ASAP2: variants seen among roughly 807,000 people sequenced by gnomAD.
The protein encoded by ASAP2 is arf-GAP with SH3 domain, ANK repeat and PH domain-containing protein 2.
In ASAP2, 45 loss-of-function variants were observed where a neutral mutation model predicts 131.4. That is an observed-to-expected ratio of 0.34 (90% CI 0.27 to 0.44). The LOEUF is 0.44. ASAP2 is among the 20% of genes least tolerant of loss of function. The probability of loss-of-function intolerance (pLI) is 1.00; values close to 1 mark genes in which losing one functional copy is unlikely to be tolerated. For missense variants in ASAP2, 1,011 were observed against 1,297.0 expected (o/e 0.78, Z 3.39); for synonymous variants, 510 against 503.0 (o/e 1.01, Z -0.19).
chr2:9,282,007 C>T (rs1667158362), intron 2 of ASAP2, among the ~76,000 whole-genome samples: 1 of 152,194 alleles, frequency 6.6e-6, no homozygotes, highest in African/African-American at 2.4e-5. Context: ...CTTCCCTCTG[C>T]TCATGCTCTG....
chr2:9,316,713 G>T (rs953156581), intron 3 of ASAP2, among the ~76,000 whole-genome samples: 3 of 152,140 alleles, frequency 2.0e-5, no homozygotes, highest in African/African-American at 7.2e-5. Context: ...GAGTTGACTC[G>T]CATTTGAACT....
At chr2:9,222,852 G>T (rs1662524125) in intron 1 of ASAP2, among the ~76,000 whole-genome samples, 1 of 152,076 alleles carries the variant, frequency 6.6e-6, no homozygotes, top group Non-Finnish European at 1.5e-5. Context: ...TTTTCCTTGG[G>T]GACTGGGATG....
chr2:9,283,809 C>T lies in ASAP2; in HGVS notation c.199+4420C>T, dbSNP rs148909820. On this transcript the variant is annotated intron_variant, in intron 2 of 27. Transcript: ENST00000281419. ...TTCTCCCTGTACCCTCACATGGCAG[C>T]GAGAGAAAGCAAGATGTCCACTTTC... Among the ~76,000 whole-genome samples, 11 of 152,272 alleles carry T rather than the reference C, an allele frequency of 7.2e-5. 1 individual carries two copies. The highest frequency in any genetic ancestry group is 2.0e-4 in the Admixed American group (3 of 15,296).
chr2:9,376,831 A>G, intron 17 of ASAP2, 77 bp from the exon 18 acceptor site: 1 of 1,297,778 alleles, frequency 7.7e-7, no homozygotes, highest in Non-Finnish European at 1.1e-6. Flanking sequence ...GAAGAGTTGT[A>G]CACGATTTCA....
chr2:9,398,637 GTC>G (rs1676377268), intron 24 of ASAP2, among the ~76,000 whole-genome samples: 1 of 151,922 alleles, frequency 6.6e-6, no homozygotes. Context: ...GTGAAACCCC[GTC>G]TCTACTGAAA....
At chr2:9,222,489 GCTTT>G (rs1306496806) in intron 1 of ASAP2, among the ~76,000 whole-genome samples, 2 of 152,184 alleles carry the variant, frequency 1.3e-5, no homozygotes, top group Non-Finnish European at 1.5e-5. Context: ...TGTTTTGGTT[GCTTT>G]CTATCAACAT....
chr2:9,396,690 C>A (rs749134823), intron 24 of ASAP2, among the ~76,000 whole-genome samples: 4 of 152,176 alleles, frequency 2.6e-5, no homozygotes, highest in Non-Finnish European at 5.9e-5. Context: ...TGCTACTTTG[C>A]AAGATAACTT....
chr2:9,357,247 G>T (rs1672773359), intron 14 of ASAP2, among the ~76,000 whole-genome samples: 1 of 151,694 alleles, frequency 6.6e-6, no homozygotes, highest in Non-Finnish European at 1.5e-5. Flanking sequence ...GGAAGACTGA[G>T]GCGGGCGGAT....
chr2:9,367,771 A>C (rs776778106), intron 15 of ASAP2, among the ~76,000 whole-genome samples: 42 of 152,220 alleles, frequency 2.8e-4, no homozygotes, highest in Admixed American at 2.0e-4. Context: ...CAAAAAAAAG[A>C]ATGTGTTAAT....
At chr2:9,347,078 C>T (rs1672015463) in intron 11 of ASAP2, among the ~76,000 whole-genome samples, 1 of 152,186 alleles carries the variant, frequency 6.6e-6, no homozygotes, top group Admixed American at 6.5e-5. Context: ...AGGTCTCCTC[C>T]TGCCTTTAGC....
At chr2:9,213,431 T>C (rs1249917532) in intron 1 of ASAP2, among the ~76,000 whole-genome samples, 1 of 152,072 alleles carries the variant, frequency 6.6e-6, no homozygotes, top group African/African-American at 2.4e-5. Flanking sequence ...TTTGTTCTAG[T>C]GTGATGGGAA....
chr2:9,295,209 G>A (rs1048978290), intron 2 of ASAP2, among the ~76,000 whole-genome samples: 1 of 152,218 alleles, frequency 6.6e-6, no homozygotes, highest in Non-Finnish European at 1.5e-5. Flanking sequence ...ACATCGTGTA[G>A]TAGAGTAGGA....
chr2:9,352,794 C>T (rs1672442296), intron 12 of ASAP2, among the ~76,000 whole-genome samples: 2 of 152,202 alleles, frequency 1.3e-5, no homozygotes, highest in African/African-American at 4.8e-5. Flanking sequence ...GAAACATCTT[C>T]AGGAAGGACT....
At chr2:9,274,618 C>T (rs1489735848) in intron 1 of ASAP2, among the ~76,000 whole-genome samples, 1 of 151,874 alleles carries the variant, frequency 6.6e-6, no homozygotes, top group Non-Finnish European at 1.5e-5. Context: ...CCACCGCGTC[C>T]AGCCTAACAC....
chr2:9,244,149 A>G (rs1009727749), intron 1 of ASAP2, among the ~76,000 whole-genome samples: 1 of 152,078 alleles, frequency 6.6e-6, no homozygotes, highest in Non-Finnish European at 1.5e-5. Context: ...AAAAAACCCC[A>G]CAAAAATTTG....
chr2:9,264,238 T>G (rs1423776967), intron 1 of ASAP2, among the ~76,000 whole-genome samples: 2 of 151,872 alleles, frequency 1.3e-5, no homozygotes, highest in Non-Finnish European at 2.9e-5. Context: ...CAAGTACTGC[T>G]GGAACTTCTT....
In ASAP2 at chr2:9,389,241, A is replaced by T. The variant is rs1361537846; in HGVS notation, c.2383+695A>T. 1.3e-5 allele frequency among the ~76,000 whole-genome samples: 2 copies of T among 152,118 alleles called. No individual in the cohort carries two copies. Among genetic ancestry groups the T allele is most frequent in the East Asian group, 3.9e-4 (2 of 5,186 alleles). ...TGAAGGCAGGTCCGGCGAGTGACCCACTCAGCTCTGGGCTGAGCTCCAGTC... is the reference window on the plus strand; with the variant it reads ...TGAAGGCAGGTCCGGCGAGTGACCCTCTCAGCTCTGGGCTGAGCTCCAGTC... On this transcript the variant is annotated intron_variant, in intron 22 of 27. Coordinates refer to ENST00000281419, the MANE Select transcript of ASAP2 (RefSeq NM_003887.3). The surrounding 1 kb of genome is among the most constrained non-coding windows in gnomAD (Gnocchi z 4.7).
At position 9,380,852 on chromosome 2, in the gene ASAP2, G is replaced by A. The variant is rs533265925; in HGVS notation, c.2016+44G>A. The A allele has an allele frequency of 1.8e-5, 29 of 1,593,338 alleles. No individual in the cohort carries two copies. The South Asian group carries it at 2.8e-4, about 15-fold the overall frequency. On this transcript the variant is annotated intron_variant, in intron 20 of 27. Coordinates refer to ENST00000281419, the MANE Select transcript of ASAP2 (RefSeq NM_003887.3). ...GGACGGGGTGGGGCACCTGTCACGGGACAGGGAGCCAAGCCTGTCCTCCTT... is the reference window on the plus strand; with the variant it reads ...GGACGGGGTGGGGCACCTGTCACGGAACAGGGAGCCAAGCCTGTCCTCCTT...
chr2:9,212,775 A>C (rs1434133157), intron 1 of ASAP2, among the ~76,000 whole-genome samples: 2 of 151,976 alleles, frequency 1.3e-5, no homozygotes, highest in African/African-American at 4.8e-5. Flanking sequence ...TTGGCTCAGC[A>C]ACCACCGGGA....
Sources: allele counts gnomAD v4.1 joint callset (sites outside exome capture counted in the v4.1 genomes callset), GRCh38; gene constraint gnomAD v4.1.1; non-coding constraint Gnocchi (gnomAD v3.1); transcripts MANE v1.5; gene names NCBI Gene and HGNC (gene_info 2026-07-23, HGNC 2026-07-21).